SHOC2: variants seen among roughly 807,000 people sequenced by gnomAD.
SHOC2 encodes the protein SHOC2 leucine rich repeat scaffold protein.
SHOC2 carries 4 observed loss-of-function variants against 50.2 expected under a neutral mutation model. That is an observed-to-expected ratio of 0.08 (90% CI 0.04 to 0.18). The LOEUF (loss-of-function observed/expected upper bound fraction) is 0.18. Among genes scored for constraint, SHOC2 ranks in the 10% least tolerant of loss-of-function variants. The probability of loss-of-function intolerance (pLI) is 1.00; values close to 1 mark genes in which losing one functional copy is unlikely to be tolerated. For missense variants in SHOC2, 388 were observed against 669.6 expected (o/e 0.58, Z 4.64); for synonymous variants, 218 against 244.5 (o/e 0.89, Z 1.01).
intron 3 of SHOC2, among the ~76,000 whole-genome samples, chr10:110,993,503 T>G (rs936490426): frequency 6.6e-6 from 1 of 152,174 alleles, no homozygotes; most frequent in Non-Finnish European, 1.5e-5. Context: ...GTGAGATTTC[T>G]TCATCAGAAC....
At chr10:110,926,489 G>T (rs1248028893) in intron 1 of SHOC2, among the ~76,000 whole-genome samples, 1 of 152,068 alleles carries the variant, frequency 6.6e-6, no homozygotes, top group Non-Finnish European at 1.5e-5. Flanking sequence ...TTAAAAGTTT[G>T]GTAACCAAAT....
intron 4 of SHOC2, among the ~76,000 whole-genome samples, chr10:111,002,783 A>T (rs12358859): frequency 0.055 from 8,301 of 152,110 alleles, 301 homozygotes; most frequent in Non-Finnish European, 0.083. Context: ...TTCTAACAAA[A>T]AAAAAAAAAT....
At chr10:110,956,069 C>T (rs1165666436) in intron 1 of SHOC2, among the ~76,000 whole-genome samples, 2 of 152,122 alleles carry the variant, frequency 1.3e-5, no homozygotes, top group African/African-American at 2.4e-5. Context: ...AGCACATGCA[C>T]CAACATATGT....
chr10:110,919,606 A>AGAGGAGGAAGGAGGGCGAGC lies in SHOC2; in HGVS notation c.-277_-258dup. ...GCGTCGCTTCTTAGGAGGAGGAGGA[A>AGAGGAGGAAGGAGGGCGAGC]GAGGAGGAAGGAGGGCGAGCGAGGA... On this transcript the variant is annotated 5_prime_UTR_variant, in exon 1 of 9. The change creates a new upstream start codon in the 5' untranslated region. Coordinates refer to ENST00000369452, the MANE Select transcript of SHOC2 (RefSeq NM_007373.4). 1 of 396,028 alleles carries AGAGGAGGAAGGAGGGCGAGC rather than the reference A, an allele frequency of 2.5e-6. No individual in the cohort carries two copies. The highest frequency in any genetic ancestry group is 4.4e-6 in the Non-Finnish European group (1 of 225,376). The allele number at this position is 396,028 out of a possible 1,614,324, so 24.5% of individuals were successfully genotyped here. A position where few individuals can be genotyped will look rare whatever the true frequency, so the allele number is the denominator to read the frequency against.
At chr10:110,951,530 C>CT (rs1408517278) in intron 1 of SHOC2, 1 of 152,182 alleles carries the variant, frequency 6.6e-6, no homozygotes, top group African/African-American at 2.4e-5. Context: ...AATCTCATTT[C>CT]TTTGACTTCT....
In SHOC2 at chr10:110,930,735, CT is replaced by C. The variant is rs772553111; in HGVS notation, c.-235+11093del. ...TTTAAGCAAATATTCACGAGTAAAT[CT>C]TTTTTTTTTTTTTTGGTAGTGTTTG... is the stretch of plus-strand genomic sequence containing the variant. On this transcript the variant is annotated intron_variant, in intron 1 of 8. Coordinates refer to ENST00000369452, the MANE Select transcript of SHOC2 (RefSeq NM_007373.4). Among the ~76,000 whole-genome samples the C allele has an allele frequency of 1.1e-3, 102 of 96,774 alleles. 2 individuals are homozygous for C. Among genetic ancestry groups the C allele is most frequent in the Middle Eastern group, 6.8e-3 (1 of 148 alleles). 63.5% of individuals were successfully genotyped at this position (96,774 alleles called of 152,430 possible).
chr10:110,953,159 T>C (rs1275504887), intron 1 of SHOC2, among the ~76,000 whole-genome samples: 2 of 152,340 alleles, frequency 1.3e-5, no homozygotes, highest in East Asian at 3.9e-4. Context: ...TCCCCAATGG[T>C]TGAACTAATT....
chr10:110,962,617 C>G (rs1219228431), intron 1 of SHOC2, among the ~76,000 whole-genome samples: 1 of 152,100 alleles, frequency 6.6e-6, no homozygotes, highest in African/African-American at 2.4e-5. Context: ...ATCCTCTACC[C>G]CAGTTCCTGT....
chr10:111,010,870 T>G (rs1848554390), intron 8 of SHOC2, among the ~76,000 whole-genome samples: 1 of 152,162 alleles, frequency 6.6e-6, no homozygotes, highest in Non-Finnish European at 1.5e-5. Flanking sequence ...TGTAAACAAA[T>G]TGATTACATA....
intron 1 of SHOC2, among the ~76,000 whole-genome samples, chr10:110,957,014 C>G (rs945158622): frequency 6.6e-6 from 1 of 152,046 alleles, no homozygotes; most frequent in African/African-American, 2.4e-5. Flanking sequence ...GTTCAGAGAT[C>G]AAGAAAACAA....
chr10:110,984,542 A>G (rs1590819071), intron 2 of SHOC2, among the ~76,000 whole-genome samples: 1 of 152,092 alleles, frequency 6.6e-6, no homozygotes, highest in Non-Finnish European at 1.5e-5. Flanking sequence ...TTTATTATGT[A>G]TAGCTTAAAA....
chr10:110,919,689 T>G (rs1047802580), intron 1 of SHOC2, 32 bp downstream of exon 1: 1 of 397,796 alleles, frequency 2.5e-6, no homozygotes, highest in African/African-American at 2.1e-5. Flanking sequence ...GGAGGGTGTC[T>G]GTTGGTCGGT....
chr10:110,925,902 A>G (rs1276025367), intron 1 of SHOC2, among the ~76,000 whole-genome samples: 1 of 152,170 alleles, frequency 6.6e-6, no homozygotes, highest in Non-Finnish European at 1.5e-5. Flanking sequence ...AATTATTTTT[A>G]TTATAGAAAT....
chr10:110,952,711 C>T (rs4335469), intron 1 of SHOC2, among the ~76,000 whole-genome samples: 80,046 of 151,624 alleles, frequency 0.53, 24,544 homozygotes, highest in Non-Finnish European at 0.69. Flanking sequence ...CCCTCCCTCC[C>T]CTTGCCCCGC....
At chr10:110,945,989 C>T (rs1330149557) in intron 1 of SHOC2, among the ~76,000 whole-genome samples, 1 of 152,130 alleles carries the variant, frequency 6.6e-6, no homozygotes, top group South Asian at 2.1e-4. Context: ...CATCATATGT[C>T]AGTGTTCATC....
intron 1 of SHOC2, among the ~76,000 whole-genome samples, chr10:110,963,675 G>T (rs1261480935): frequency 3.9e-5 from 6 of 152,122 alleles, no homozygotes; most frequent in African/African-American, 7.2e-5. Flanking sequence ...GCTCCATCAT[G>T]TTTCCAAGAT....
At chr10:110,943,356 C>G (rs1234341544) in intron 1 of SHOC2, among the ~76,000 whole-genome samples, 2 of 151,696 alleles carry the variant, frequency 1.3e-5, no homozygotes, top group African/African-American at 4.8e-5. Flanking sequence ...GCTGTTGAAC[C>G]CTTCTAGTGA....
intron 2 of SHOC2, among the ~76,000 whole-genome samples, chr10:110,971,814 C>T (rs1195667294): frequency 6.6e-6 from 1 of 152,046 alleles, no homozygotes; most frequent in Non-Finnish European, 1.5e-5. Flanking sequence ...GACTCATCAA[C>T]ATTTATTGAA....
At chr10:110,958,927 T>C (rs1399710844) in intron 1 of SHOC2, among the ~76,000 whole-genome samples, 4 of 152,140 alleles carry the variant, frequency 2.6e-5, no homozygotes, top group African/African-American at 9.7e-5. Flanking sequence ...TCAGACCTAA[T>C]ATCCCATTTA....
Sources: allele counts gnomAD v4.1 joint callset (sites outside exome capture counted in the v4.1 genomes callset), GRCh38; gene constraint gnomAD v4.1.1; transcripts MANE v1.5; gene names NCBI Gene and HGNC (gene_info 2026-07-23, HGNC 2026-07-21).